The following TRAPPC13 variants were observed in gnomAD, a reference collection of about 807,000 sequenced individuals.
TRAPPC13 encodes REV7-interacting novel NHEJ regulator 1.
A neutral mutation model predicts 54.0 loss-of-function variants in TRAPPC13; 39 were observed. The observed-to-expected ratio is 0.72, with a 90% CI of 0.56 to 0.94. The LOEUF (loss-of-function observed/expected upper bound fraction) is 0.94, where lower values mean the gene tolerates loss of function less well. Among genes scored for constraint, TRAPPC13 ranks in the 40% least tolerant of loss-of-function variants. TRAPPC13 has a pLI of 0.00. For synonymous variants in TRAPPC13, 148 were observed against 167.7 expected, an observed-to-expected ratio of 0.88 and a Z score of 0.91; for missense variants, 386 against 488.1, an observed-to-expected ratio of 0.79 and a Z score of 1.97.
At chr5:65,650,627 C>T (rs1756393430) in intron 5 of TRAPPC13, among the ~76,000 whole-genome samples, 183 bp from the exon 6 acceptor site, 1 of 152,142 alleles carries the variant, frequency 6.6e-6, no homozygotes, top group African/African-American at 2.4e-5. Context: ...TTTTACTAAT[C>T]AGAGCTTTGT....
intron 1 of TRAPPC13, chr5:65,630,464 TA>T: frequency 7.2e-7 from 1 of 1,389,378 alleles, no homozygotes; most frequent in Non-Finnish European, 9.3e-7. Flanking sequence ...GCTTGTCAAT[TA>T]AGTCAAGAAA....
intron 1 of TRAPPC13, chr5:65,630,470 A>C: frequency 7.2e-7 from 1 of 1,387,584 alleles, no homozygotes; most frequent in Non-Finnish European, 9.3e-7. Context: ...CAATTAAGTC[A>C]AGAAATTGCT....
chr5:65,629,385 T>C, intron 1 of TRAPPC13: 1 of 1,137,616 alleles, frequency 8.8e-7, no homozygotes, highest in Non-Finnish European at 1.1e-6. Flanking sequence ...TGGTTTTTGT[T>C]TTTTGTTTTT....
At chr5:65,651,866 T>TG (rs1756466822) in intron 6 of TRAPPC13, among the ~76,000 whole-genome samples, 1 of 120,632 alleles carries the variant, frequency 8.3e-6, no homozygotes, top group African/African-American at 3.5e-5. Flanking sequence ...TTTTTTTTTT[T>TG]TTTTTTTTTT....
chr5:65,642,872 T>C (rs909760262), intron 4 of TRAPPC13, among the ~76,000 whole-genome samples: 1 of 152,136 alleles, frequency 6.6e-6, no homozygotes, highest in Non-Finnish European at 1.5e-5. Context: ...TGTTGCCCAA[T>C]GTAGTGAGAC....
intron 7 of TRAPPC13, among the ~76,000 whole-genome samples, chr5:65,654,927 A>C (rs1456410730): frequency 6.6e-6 from 1 of 152,208 alleles, no homozygotes; most frequent in Admixed American, 6.5e-5. Context: ...ACATGATGCA[A>C]CTATAATGTA....
rs974791281 is a variant in TRAPPC13, at chr5:65,639,123, G to C, written c.300+1343G>C. On this transcript the variant is annotated intron_variant, in intron 4 of 12. Coordinates refer to ENST00000399438, the MANE Select transcript of TRAPPC13 (RefSeq NM_024941.4). ...AAAATAAAACCATCAGATCTCATGA[G>C]ACTTATTCACCGTCATGAGAACAGC... Among the ~76,000 whole-genome samples the C allele has an allele frequency of 2.0e-5, 3 of 152,036 alleles. No individual in the cohort carries two copies. In the South Asian group the frequency reaches 6.2e-4, roughly 32 times the overall value.
intron 11 of TRAPPC13, 118 bp downstream of exon 11, chr5:65,662,268 G>T: frequency 1.6e-6 from 1 of 625,282 alleles, no homozygotes; most frequent in Non-Finnish European, 2.6e-6. Flanking sequence ...AGCCTTCTCT[G>T]ATGTTGATAT....
Position 65,666,037 on chromosome 5 carries a change from G to C in TRAPPC13, c.*1426G>C, listed in dbSNP as rs950296694. 3.3e-5 allele frequency: 5 copies of C among 152,528 alleles called. No individual in the cohort carries two copies. The highest frequency in any genetic ancestry group is 1.2e-4 in the African/African-American group (5 of 41,438). 9.4% of individuals were successfully genotyped at this position (152,528 alleles called of 1,614,324 possible). On this transcript the variant is annotated 3_prime_UTR_variant, in exon 13 of 13. Coordinates refer to ENST00000399438, the MANE Select transcript of TRAPPC13 (RefSeq NM_024941.4). ...AAAATTGAGTAATAATTAATGAAAT[G>C]TCTGTACAAAATAAAGTGCAAGCAG...
intron 9 of TRAPPC13, among the ~76,000 whole-genome samples, chr5:65,659,708 G>T (rs1581233648): frequency 6.6e-6 from 1 of 152,182 alleles, no homozygotes; most frequent in East Asian, 1.9e-4. Flanking sequence ...AATAGGCTGG[G>T]TGTGGTGGCT....
chr5:65,644,881 C>CA (rs34137576), intron 4 of TRAPPC13, among the ~76,000 whole-genome samples: 86 of 124,960 alleles, frequency 6.9e-4, no homozygotes, highest in East Asian at 1.2e-3. Context: ...ACTCCGTCTC[C>CA]AAAAAAAAAA....
intron 9 of TRAPPC13, among the ~76,000 whole-genome samples, chr5:65,659,623 T>G (rs760580043): frequency 5.9e-5 from 9 of 152,056 alleles, no homozygotes; most frequent in Admixed American, 1.3e-4. Flanking sequence ...GAAAAGGAAA[T>G]ACATACACCT....
chr5:65,627,465 A>T (rs1453914677), intron 1 of TRAPPC13, among the ~76,000 whole-genome samples: 2 of 152,000 alleles, frequency 1.3e-5, no homozygotes, highest in Admixed American at 1.3e-4. Flanking sequence ...CCCCGTCTCT[A>T]CTGAAAATAC....
intron 1 of TRAPPC13, among the ~76,000 whole-genome samples, chr5:65,633,977 GTTTTTTTTTT>G (rs67982454): frequency 1.8e-4 from 11 of 60,482 alleles, no homozygotes; most frequent in African/African-American, 8.2e-4. Context: ...CTCTCCCAGC[GTTTTTTTTTT>G]TTTTTTTTTT....
rs766038506 is a variant in TRAPPC13 at position 65,625,102 on chromosome 5, A to G, written c.42A>G (p.Leu14=). ...CTAAACAGGAGCACCTGCTGGCGCTAAAAGGTAAACTTTTGCGAACCTGAT... is the reference window on the plus strand; with the variant it reads ...CTAAACAGGAGCACCTGCTGGCGCTGAAAGGTAAACTTTTGCGAACCTGAT... ...NPPKQEHLLA[L]KVMRLTKPTL... is the part of the protein sequence containing the mutation. Residue 14 remains leucine, a synonymous_variant, in exon 1 of 13, where the codon CTA becomes CTG. Coordinates refer to ENST00000399438, the MANE Select transcript of TRAPPC13 (RefSeq NM_024941.4). 4 of 1,613,618 alleles carry G rather than the reference A, an allele frequency of 2.5e-6. No individual in the cohort carries two copies. The South Asian group carries it at 4.4e-5, about 18-fold the overall frequency.
chr5:65,632,489 G>A (rs1032946006), intron 1 of TRAPPC13, among the ~76,000 whole-genome samples: 1 of 152,104 alleles, frequency 6.6e-6, no homozygotes, highest in African/African-American at 2.4e-5. Flanking sequence ...GACATTCCAG[G>A]TTTATGGCTC....
chr5:65,641,827 T>A (rs1755977459), intron 4 of TRAPPC13, among the ~76,000 whole-genome samples: 1 of 151,612 alleles, frequency 6.6e-6, no homozygotes, highest in Non-Finnish European at 1.5e-5. Context: ...TATGAGCTAG[T>A]TCTTTTCTTT....
rs141876171 is a variant in TRAPPC13, at chr5:65,659,967, C to CA, written c.699-709dup. Among the ~76,000 whole-genome samples the CA allele has an allele frequency of 6.1e-3, 585 of 95,198 alleles. 4 individuals carry two copies. The highest frequency in any genetic ancestry group is 0.016 in the Middle Eastern group (2 of 126). 62.5% of individuals were successfully genotyped at this position (95,198 alleles called of 152,430 possible). ...ACAGAGAGAGACCTTGTATTTTAAA[C>CA]AAAAAAAAAAAAAAAAAAAAAAAGA... On this transcript the variant is annotated intron_variant, in intron 9 of 12. Coordinates refer to ENST00000399438, the MANE Select transcript of TRAPPC13 (RefSeq NM_024941.4).
chr5:65,658,573 TCA>T, intron 9 of TRAPPC13, 72 bp downstream of exon 9: 1 of 1,305,414 alleles, frequency 7.7e-7, no homozygotes, highest in Non-Finnish European at 1.0e-6. Context: ...CCATTGCTCT[TCA>T]GTGGGTTTTT....
Sources: allele counts gnomAD v4.1 joint callset (sites outside exome capture counted in the v4.1 genomes callset), GRCh38; gene constraint gnomAD v4.1.1; transcripts MANE v1.5; gene names NCBI Gene and HGNC (gene_info 2026-07-23, HGNC 2026-07-21).